FAF2: variants seen among roughly 807,000 people sequenced by gnomAD.
FAF2 encodes Fas associated factor family member 2.
In FAF2, 9 loss-of-function variants were observed where a neutral mutation model predicts 62.3. That is an observed-to-expected ratio of 0.14 (90% confidence interval 0.09 to 0.25). The LOEUF is 0.25. FAF2 is among the 10% of genes least tolerant of loss of function. The probability of loss-of-function intolerance (pLI) is 1.00; values close to 1 mark genes in which losing one functional copy is unlikely to be tolerated. For synonymous variants in FAF2, 202 were observed against 198.0 expected (o/e 1.02, Z -0.17); for missense variants, 368 against 556.2 (o/e 0.66, Z 3.40).
chr5:176,506,043 T>C (rs908482959), intron 10 of FAF2, among the ~76,000 whole-genome samples: 1 of 151,804 alleles, frequency 6.6e-6, no homozygotes, highest in Non-Finnish European at 1.5e-5. Context: ...ACGAAAAAAT[T>C]AGCCAGGCGT....
chr5:176,497,155 A>G (rs1175599993), intron 8 of FAF2, among the ~76,000 whole-genome samples: 1 of 152,210 alleles, frequency 6.6e-6, no homozygotes, highest in African/African-American at 2.4e-5. Flanking sequence ...TTAAAAAATA[A>G]TAAATGAATG....
intron 1 of FAF2, among the ~76,000 whole-genome samples, chr5:176,450,679 G>A (rs1417255718): frequency 6.6e-6 from 1 of 151,658 alleles, no homozygotes; most frequent in Non-Finnish European, 1.5e-5. Context: ...TCAGCCTCTC[G>A]AGTAGCTGGG....
chr5:176,509,673 A>G lies in FAF2; in HGVS notation c.*2723A>G, dbSNP rs978074066. 2.0e-5 allele frequency: 3 copies of G among 152,654 alleles called. No homozygotes were observed. The highest frequency in any genetic ancestry group is 4.4e-5 in the Non-Finnish European group (3 of 68,044). 9.5% of individuals were successfully genotyped at this position (152,654 alleles called of 1,614,324 possible). A position where few individuals can be genotyped will look rare whatever the true frequency, so the allele number is the denominator to read the frequency against. The stretch of plus-strand genomic sequence containing the variant: ...TGCTTGCCTCCACCATGATATTTGA[A>G]TAAGAGATGGCCAGAGGATAACACT... On this transcript the variant is annotated 3_prime_UTR_variant, in exon 11 of 11. Coordinates refer to ENST00000261942, the MANE Select transcript of FAF2 (RefSeq NM_014613.3).
At chr5:176,452,967 CAGTAAA>C (rs1561814072) in intron 1 of FAF2, among the ~76,000 whole-genome samples, 1 of 152,120 alleles carries the variant, frequency 6.6e-6, no homozygotes, top group Non-Finnish European at 1.5e-5. Flanking sequence ...ATATTGAAAT[CAGTAAA>C]AGTAAAATAT....
At chr5:176,489,656 G>T (rs1758937640) in intron 4 of FAF2, among the ~76,000 whole-genome samples, 1 of 152,078 alleles carries the variant, frequency 6.6e-6, no homozygotes, top group Admixed American at 6.6e-5. Flanking sequence ...TCATACCTCA[G>T]CCTCCCAGAT....
chr5:176,475,015 C>T lies in FAF2; in HGVS notation c.64-4173C>T, dbSNP rs1352250840. On this transcript the variant is annotated intron_variant, in intron 1 of 10. Coordinates refer to ENST00000261942, the MANE Select transcript of FAF2 (RefSeq NM_014613.3). ...AAGCAGGCTTGTTCAGTTGGGTTTC[C>T]AGCTCACCCTGCTTCACTACTTAAA... 2.0e-5 allele frequency among the ~76,000 whole-genome samples: 3 copies of T among 152,102 alleles called. No individual in the cohort carries two copies. In the East Asian group the frequency reaches 5.8e-4, roughly 29 times the overall value.
Position 176,461,158 on chromosome 5 carries a change from C to T in FAF2, c.63+12688C>T, listed in dbSNP as rs189655836. The stretch of plus-strand genomic sequence containing the variant: ...CTTCCTGAGTAGCTGGGATTACAGG[C>T]GCATACTAACATGCCCAGCTAATTT... On this transcript the variant is annotated intron_variant, in intron 1 of 10. Coordinates refer to ENST00000261942, the MANE Select transcript of FAF2 (RefSeq NM_014613.3). Among the ~76,000 whole-genome samples the T allele has an allele frequency of 2.2e-3, 339 of 151,832 alleles. 2 individuals are homozygous for T. The highest frequency in any genetic ancestry group is 2.3e-3 in the Non-Finnish European group (157 of 67,954).
At position 176,508,957 on chromosome 5, in the gene FAF2, C is replaced by G. The variant is rs762190112; in HGVS notation, c.*2007C>G. On this transcript the variant is annotated 3_prime_UTR_variant, in exon 11 of 11. Transcript: ENST00000261942. ...TGTCCACACCTCTTTGGGGAAGTTA[C>G]GATTTTTTTTTTCCATCATAATTCA... 1 of 151,844 alleles carries G rather than the reference C, an allele frequency of 6.6e-6. No individual in the cohort carries two copies. Among genetic ancestry groups the G allele is most frequent in the South Asian group, 2.1e-4 (1 of 4,830 alleles). 9.4% of individuals were successfully genotyped at this position (151,844 alleles called of 1,614,324 possible).
At chr5:176,496,696 G>C in intron 8 of FAF2, 33 bp downstream of exon 8, 1 of 1,457,220 alleles carries the variant, frequency 6.9e-7, no homozygotes, top group Non-Finnish European at 9.1e-7. Flanking sequence ...AACAGAGAGA[G>C]ACCAGTTGTA....
intron 1 of FAF2, among the ~76,000 whole-genome samples, chr5:176,458,283 T>C (rs1175542311): frequency 1.3e-5 from 2 of 151,744 alleles, no homozygotes; most frequent in Non-Finnish European, 2.9e-5. Flanking sequence ...GGTTTCGCCA[T>C]GTTGGCCAGG....
intron 1 of FAF2, among the ~76,000 whole-genome samples, chr5:176,475,807 T>A (rs1758678939): frequency 6.6e-6 from 1 of 152,100 alleles, no homozygotes. Context: ...ACCACGGATT[T>A]CCCAGCTCGG....
intron 8 of FAF2, among the ~76,000 whole-genome samples, chr5:176,498,703 C>A (rs1755540719): frequency 6.6e-6 from 1 of 152,134 alleles, no homozygotes; most frequent in East Asian, 1.9e-4. Flanking sequence ...TTGCTGTTTC[C>A]TTTTCTGCCA....
At chr5:176,473,731 G>A (rs1758614708) in intron 1 of FAF2, among the ~76,000 whole-genome samples, 1 of 152,148 alleles carries the variant, frequency 6.6e-6, no homozygotes, top group African/African-American at 2.4e-5. Flanking sequence ...AATTGTTCGA[G>A]CTTTAGTCAC....
intron 2 of FAF2, among the ~76,000 whole-genome samples, chr5:176,483,835 C>T (rs983059449): frequency 3.9e-5 from 6 of 152,040 alleles, no homozygotes; most frequent in South Asian, 4.1e-4. Flanking sequence ...CCAGCCCTTT[C>T]GGAGGCCAAG....
chr5:176,464,587 G>A (rs1025931863), intron 1 of FAF2, among the ~76,000 whole-genome samples: 4 of 148,160 alleles, frequency 2.7e-5, no homozygotes, highest in African/African-American at 1.0e-4. Flanking sequence ...CGACCTCCCG[G>A]ACTCAAGTGA....
chr5:176,489,522 C>G (rs1758935131), intron 4 of FAF2, among the ~76,000 whole-genome samples: 1 of 152,046 alleles, frequency 6.6e-6, no homozygotes, highest in Admixed American at 6.6e-5. Flanking sequence ...TCCTGTTACA[C>G]CTTTTCTTTC....
rs142310866 is a variant in FAF2 at position 176,506,715 on chromosome 5, G to T, written c.1156-53G>T. The T allele has an allele frequency of 2.2e-6, 3 of 1,363,370 alleles. No homozygotes were observed. The African/African-American group carries it at 4.4e-5, about 20-fold the overall frequency. The allele number at this position is 1,363,370 out of a possible 1,614,324, so 84.5% of individuals were successfully genotyped here. On this transcript the variant is annotated intron_variant, in intron 10 of 10. Coordinates refer to ENST00000261942, the MANE Select transcript of FAF2 (RefSeq NM_014613.3). ...TGTGTGTGCGTGTGTGCGTGTGTGTGTGTGTATTTCTGTTTTTCTCACCAC... is the reference window on the plus strand; with the variant it reads ...TGTGTGTGCGTGTGTGCGTGTGTGTTTGTGTATTTCTGTTTTTCTCACCAC...
rs571061959 is a variant in FAF2 at position 176,505,023 on chromosome 5, GAA to G, written c.1156-1728_1156-1727del. Among the ~76,000 whole-genome samples, 182 of 122,088 alleles carry G rather than the reference GAA, an allele frequency of 1.5e-3. 1 individual carries two copies. Among genetic ancestry groups the G allele is most frequent in the African/African-American group, 4.8e-3 (156 of 32,534 alleles). 80.1% of individuals were successfully genotyped at this position (122,088 alleles called of 152,430 possible). A position where few individuals can be genotyped will look rare whatever the true frequency, so the allele number is the denominator to read the frequency against. On this transcript the variant is annotated intron_variant, in intron 10 of 10. Coordinates refer to ENST00000261942, the MANE Select transcript of FAF2 (RefSeq NM_014613.3). ...GGGCGACAGAGCAAGACCTGTCTGG[GAA>G]AAAAAAAAAAAAAAAAGTTCCCTAG...
intron 8 of FAF2, among the ~76,000 whole-genome samples, chr5:176,497,198 T>C (rs1755510652): frequency 6.6e-6 from 1 of 152,122 alleles, no homozygotes; most frequent in Non-Finnish European, 1.5e-5. Flanking sequence ...TGCTCAAGAA[T>C]GTATATTGTG....
Sources: gnomAD v4.1 joint callset for allele counts (sites outside exome capture counted in the v4.1 genomes callset) on GRCh38, gnomAD v4.1.1 for gene constraint, MANE v1.5 for transcripts, NCBI Gene and HGNC (gene_info 2026-07-23, HGNC 2026-07-21) for gene names.